Variants in DAPK1 observed in about 807,000 individuals in gnomAD.
DAPK1 encodes death-associated protein kinase 1.
DAPK1 carries 56 observed loss-of-function variants against 144.9 expected under a neutral mutation model. The ratio of observed to expected loss-of-function variants is 0.39; its 90% CI spans 0.31 to 0.48. DAPK1 has a LOEUF of 0.48. Among genes scored for constraint, DAPK1 ranks in the 20% least tolerant of loss-of-function variants. DAPK1 has a pLI of 0.95. For missense variants in DAPK1, 1,454 were observed against 1,875.4 expected (o/e 0.78, Z 4.15); for synonymous variants, 690 against 749.0 (o/e 0.92, Z 1.29).
chr9:87,552,581 G>A (rs2378751), intron 2 of DAPK1, among the ~76,000 whole-genome samples: 35,345 of 151,618 alleles, frequency 0.23, 4,658 homozygotes, highest in Non-Finnish European at 0.31. Context: ...TATAATGCAC[G>A]TGCTTTAAAA....
intron 21 of DAPK1, among the ~76,000 whole-genome samples, chr9:87,696,031 A>G (rs1825246501): frequency 6.6e-6 from 1 of 152,176 alleles, no homozygotes; most frequent in Non-Finnish European, 1.5e-5. Flanking sequence ...CAACCGTGTC[A>G]TTATTATTAT....
chr9:87,547,692 G>A (rs1382460123), intron 2 of DAPK1, among the ~76,000 whole-genome samples: 1 of 151,902 alleles, frequency 6.6e-6, no homozygotes, highest in Non-Finnish European at 1.5e-5. Context: ...TGGGGTAGTC[G>A]GGGCAGGGGT....
intron 3 of DAPK1, among the ~76,000 whole-genome samples, chr9:87,611,213 G>A (rs1446149005): frequency 2.0e-5 from 3 of 152,156 alleles, no homozygotes; most frequent in African/African-American, 7.2e-5. Context: ...TTAAACTTTA[G>A]CATGCATCAG....
intron 19 of DAPK1, among the ~76,000 whole-genome samples, chr9:87,669,350 G>T (rs533155112): frequency 3.4e-5 from 5 of 147,556 alleles, no homozygotes; most frequent in South Asian, 2.2e-4. Flanking sequence ...GGGTGGGGGG[G>T]GGTCACTGGG....
intron 2 of DAPK1, among the ~76,000 whole-genome samples, chr9:87,529,132 T>C (rs938655590): frequency 6.6e-6 from 1 of 152,158 alleles, no homozygotes; most frequent in Non-Finnish European, 1.5e-5. Context: ...TCTGACAACA[T>C]GTAAAACCCC....
intron 2 of DAPK1, among the ~76,000 whole-genome samples, chr9:87,572,563 G>C (rs968731304): frequency 1.3e-5 from 2 of 152,108 alleles, no homozygotes; most frequent in East Asian, 1.9e-4. Context: ...TGCTGTCCTG[G>C]TGATAGTGAG....
chr9:87,655,791 A>G (rs1830609757), intron 17 of DAPK1, among the ~76,000 whole-genome samples: 2 of 152,148 alleles, frequency 1.3e-5, no homozygotes, highest in South Asian at 4.1e-4. Flanking sequence ...GCCCTTACCC[A>G]TTTGTCCCTC....
intron 2 of DAPK1, among the ~76,000 whole-genome samples, chr9:87,540,185 T>C (rs1020222661): frequency 1.5e-4 from 3 of 20,226 alleles, no homozygotes; most frequent in African/African-American, 3.8e-4. Flanking sequence ...GTTAATCTCT[T>C]TTTTTTTTTT....
chr9:87,607,238 A>G (rs1472409990), intron 3 of DAPK1, among the ~76,000 whole-genome samples: 1 of 152,112 alleles, frequency 6.6e-6, no homozygotes, highest in Non-Finnish European at 1.5e-5. Flanking sequence ...GGGCTGGGGA[A>G]CCAGACAGAA....
At position 87,597,371 on chromosome 9, in the gene DAPK1, C is replaced by G. The variant is rs36206538; in HGVS notation, c.63-7583C>G. Among the ~76,000 whole-genome samples the G allele has an allele frequency of 2.3e-3, 357 of 152,224 alleles. 2 individuals are homozygous for G. Among genetic ancestry groups the G allele is most frequent in the Non-Finnish European group, 4.3e-3 (292 of 68,018 alleles). On this transcript the variant is annotated intron_variant, in intron 2 of 25. Transcript: ENST00000408954. ...CAAAGGAGGCAAACCAAATATGTCT[C>G]CATCCGAAATGAAAATAGCTTTGTT... is the stretch of plus-strand genomic sequence containing the variant.
chr9:87,623,855 A>C (rs1829396339), intron 3 of DAPK1, among the ~76,000 whole-genome samples: 1 of 152,098 alleles, frequency 6.6e-6, no homozygotes, highest in Non-Finnish European at 1.5e-5. Context: ...TGAGGAGCAA[A>C]ACCCCTCAGA....
intron 2 of DAPK1, among the ~76,000 whole-genome samples, chr9:87,567,546 G>C (rs1827173534): frequency 6.6e-6 from 1 of 152,170 alleles, no homozygotes; most frequent in African/African-American, 2.4e-5. Context: ...GGGTCAGACT[G>C]GAAGTAGCCA....
chr9:87,515,699 G>A lies in DAPK1; in HGVS notation c.62+16560G>A, dbSNP rs528815685. ...GAGGAAAAGATTGCCGATTTGGGGA[G>A]GAAATTGAGCTGATAGCCTCTGAGG... On this transcript the variant is annotated intron_variant, in intron 2 of 25. Coordinates refer to ENST00000408954, the MANE Select transcript of DAPK1 (RefSeq NM_004938.4). Among the ~76,000 whole-genome samples, 23 of 152,294 alleles carry A rather than the reference G, an allele frequency of 1.5e-4. 1 individual carries two copies. Among genetic ancestry groups the A allele is most frequent in the African/African-American group, 4.8e-4 (20 of 41,576 alleles).
Position 87,703,131 on chromosome 9 carries a change from G to A in DAPK1, c.2974G>A (p.Val992Met). 1 of 1,608,978 alleles carries A rather than the reference G, an allele frequency of 6.2e-7. No individual in the cohort carries two copies. ...CCAGCTGATGTCGCTGCAGCAGTTT[G>A]TGTACGACGTGCAGGACCAGCTGAA... Reference protein sequence around the residue: ...PNQLMSLQQFVYDVQDQLNPL... With the variant: ...PNQLMSLQQFMYDVQDQLNPL... Residue 992 changes from valine to methionine, a missense_variant, in exon 25 of 26, where the codon GTG (valine) becomes ATG (methionine). Around this residue, in one of 2 missense-constraint regions of DAPK1, gnomAD observed 1,025 missense variants for 1,237.9 expected, o/e 0.83. Coordinates refer to ENST00000408954, the MANE Select transcript of DAPK1 (RefSeq NM_004938.4).
At chr9:87,588,759 A>G (rs1471893568) in intron 2 of DAPK1, among the ~76,000 whole-genome samples, 1 of 152,234 alleles carries the variant, frequency 6.6e-6, no homozygotes, top group Non-Finnish European at 1.5e-5. Context: ...GATTCAGAAA[A>G]TGCATGAAGA....
At chr9:87,694,525 G>T (rs909813247) in intron 21 of DAPK1, among the ~76,000 whole-genome samples, 1 of 152,202 alleles carries the variant, frequency 6.6e-6, no homozygotes, top group Non-Finnish European at 1.5e-5. Flanking sequence ...GGGAAGAGTG[G>T]TCCTGCTTTC....
chr9:87,692,049 T>C (rs562731967), intron 21 of DAPK1, among the ~76,000 whole-genome samples: 1 of 152,132 alleles, frequency 6.6e-6, no homozygotes, highest in Non-Finnish European at 1.5e-5. Flanking sequence ...ATTTTCTGTC[T>C]GTATAATCTG....
chr9:87,617,800 G>A (rs974278683), intron 3 of DAPK1, among the ~76,000 whole-genome samples: 4 of 152,030 alleles, frequency 2.6e-5, no homozygotes, highest in Admixed American at 2.6e-4. Context: ...TCAACTTCAC[G>A]TGTCTTAAAC....
chr9:87,656,577 G>A (rs1830634923), intron 17 of DAPK1, among the ~76,000 whole-genome samples: 1 of 152,224 alleles, frequency 6.6e-6, no homozygotes, highest in Non-Finnish European at 1.5e-5. Flanking sequence ...TACTGCAGAA[G>A]ATAATAATAA....
Sources: gnomAD v4.1 joint callset for allele counts (sites outside exome capture counted in the v4.1 genomes callset) on GRCh38, gnomAD v4.1.1 for gene constraint, gnomAD v4.1.1 regional missense constraint, MANE v1.5 for transcripts, NCBI Gene and HGNC (gene_info 2026-07-23, HGNC 2026-07-21) for gene names.